Variants in TMEM135 observed in about 807,000 individuals in gnomAD.
The protein encoded by TMEM135 is peroxisomal membrane protein 52.
A neutral mutation model predicts 60.3 loss-of-function variants in TMEM135; 30 were observed. The ratio of observed to expected loss-of-function variants is 0.50; its 90% CI spans 0.37 to 0.68. TMEM135 has a LOEUF of 0.68. Among genes scored for constraint, TMEM135 ranks in the 30% least tolerant of loss-of-function variants. The probability of loss-of-function intolerance (pLI) is 0.00; values close to 1 mark genes in which losing one functional copy is unlikely to be tolerated. For missense variants in TMEM135, 468 were observed against 548.8 expected (o/e 0.85, Z 1.47); for synonymous variants, 190 against 186.7 (o/e 1.02, Z -0.14).
At chr11:87,207,545 A>C (rs1423103895) in intron 5 of TMEM135, among the ~76,000 whole-genome samples, 1 of 152,214 alleles carries the variant, frequency 6.6e-6, no homozygotes, top group East Asian at 1.9e-4. Flanking sequence ...GATAATAATC[A>C]TCACCATTTA....
At chr11:87,132,721 G>T (rs1404311334) in intron 4 of TMEM135, among the ~76,000 whole-genome samples, 1 of 152,086 alleles carries the variant, frequency 6.6e-6, no homozygotes, top group Non-Finnish European at 1.5e-5. Flanking sequence ...AAATAGGCTT[G>T]CAGTAGTCCC....
rs140387878 is a variant in TMEM135 at position 87,248,383 on chromosome 11, T to G, written c.509+11699T>G. On this transcript the variant is annotated intron_variant, in intron 6 of 14. Coordinates refer to ENST00000305494, the MANE Select transcript of TMEM135 (RefSeq NM_022918.4). ...CATTTGTTATTGCTTGTCTTTTGGATAAAAGCCATTTTAACTAGGGTGAGA... is the reference window on the plus strand; with the variant it reads ...CATTTGTTATTGCTTGTCTTTTGGAGAAAAGCCATTTTAACTAGGGTGAGA... Among the ~76,000 whole-genome samples the G allele has an allele frequency of 5.2e-3, 795 of 152,340 alleles. 8 individuals are homozygous for G. Among genetic ancestry groups the G allele is most frequent in the African/African-American group, 0.018 (753 of 41,576 alleles).
intron 4 of TMEM135, among the ~76,000 whole-genome samples, chr11:87,135,482 G>T (rs1938065592): frequency 7.7e-6 from 1 of 130,714 alleles, no homozygotes; most frequent in Non-Finnish European, 1.6e-5. Flanking sequence ...ACCATTTATT[G>T]AAGAGTTCAT....
In TMEM135 at chr11:87,298,526, C is replaced by T. The variant is rs569610273; in HGVS notation, c.551+2703C>T. Among the ~76,000 whole-genome samples the T allele has an allele frequency of 4.6e-5, 7 of 152,286 alleles. 1 individual carries two copies. In the South Asian group the frequency reaches 6.2e-4, roughly 14 times the overall value. On this transcript the variant is annotated intron_variant, in intron 7 of 14. Coordinates refer to ENST00000305494, the MANE Select transcript of TMEM135 (RefSeq NM_022918.4). ...CCTTCAGGCTGGGCATGGTAGCTAACGCCTCTAATCCCAGCACTTTGGGAG... is the reference window on the plus strand; with the variant it reads ...CCTTCAGGCTGGGCATGGTAGCTAATGCCTCTAATCCCAGCACTTTGGGAG...
intron 5 of TMEM135, among the ~76,000 whole-genome samples, chr11:87,176,439 A>C (rs2135296473): frequency 6.6e-6 from 1 of 152,126 alleles, no homozygotes; most frequent in South Asian, 2.1e-4. Flanking sequence ...AAAATAAATC[A>C]CCCAATCTCA....
At chr11:87,196,881 TA>T (rs1312193991) in intron 5 of TMEM135, among the ~76,000 whole-genome samples, 2 of 152,174 alleles carry the variant, frequency 1.3e-5, no homozygotes, top group South Asian at 2.1e-4. Flanking sequence ...AAATTGAATT[TA>T]AATTACTTTA....
At position 87,323,859 on chromosome 11, in the gene TMEM135, T is replaced by G. The variant is rs1049497049; in HGVS notation, c.*2526T>G. The stretch of plus-strand genomic sequence containing the variant: ...TTGAAGTAACACCTTTGGTTTAGTT[T>G]TATTTTCCCATAAATTCTGCTTTTG... On this transcript the variant is annotated 3_prime_UTR_variant, in exon 15 of 15. Transcript: ENST00000305494. 4.4e-6 allele frequency: 2 copies of G among 452,082 alleles called. No individual in the cohort carries two copies. The highest frequency in any genetic ancestry group is 8.8e-6 in the Non-Finnish European group (2 of 226,382). The allele number at this position is 452,082 out of a possible 1,614,324, so 28.0% of individuals were successfully genotyped here. A position where few individuals can be genotyped will look rare whatever the true frequency, so the allele number is the denominator to read the frequency against.
At chr11:87,243,468 A>G (rs1941188057) in intron 6 of TMEM135, among the ~76,000 whole-genome samples, 1 of 125,492 alleles carries the variant, frequency 8.0e-6, no homozygotes, top group South Asian at 2.8e-4. Context: ...CACGATATTG[A>G]TTCTTCCTAC....
intron 1 of TMEM135, among the ~76,000 whole-genome samples, chr11:87,062,606 A>G (rs1346791618): frequency 2.0e-5 from 3 of 151,572 alleles, no homozygotes; most frequent in Non-Finnish European, 4.4e-5. Context: ...CTGGGATTAC[A>G]GGCGCCTGCC....
At chr11:87,191,725 CAATT>C in intron 5 of TMEM135, among the ~76,000 whole-genome samples, 1 of 152,216 alleles carries the variant, frequency 6.6e-6, no homozygotes, top group South Asian at 2.1e-4. Flanking sequence ...ACAGTGTTGA[CAATT>C]GATATGTGTT....
intron 1 of TMEM135, among the ~76,000 whole-genome samples, chr11:87,062,298 C>G (rs1006657950): frequency 6.6e-6 from 1 of 151,316 alleles, no homozygotes; most frequent in Non-Finnish European, 1.5e-5. Context: ...TCCACTGCAT[C>G]TAGCCCCTTT....
At position 87,324,116 on chromosome 11, in the gene TMEM135, T is replaced by A; in HGVS notation, c.*2783T>A. 2.2e-6 allele frequency: 1 copy of A among 454,122 alleles called. No individual in the cohort carries two copies. Among genetic ancestry groups the A allele is most frequent in the Non-Finnish European group, 4.4e-6 (1 of 226,786 alleles). 28.1% of individuals were successfully genotyped at this position (454,122 alleles called of 1,614,324 possible). A position where few individuals can be genotyped will look rare whatever the true frequency, so the allele number is the denominator to read the frequency against. On this transcript the variant is annotated 3_prime_UTR_variant, in exon 15 of 15. Coordinates refer to ENST00000305494, the MANE Select transcript of TMEM135 (RefSeq NM_022918.4). ...TTTTCTTGTTGTGCTCGAGTGTTCGTCTCCTTGTAGATTGTATCTAGGCTA... is the reference window on the plus strand; with the variant it reads ...TTTTCTTGTTGTGCTCGAGTGTTCGACTCCTTGTAGATTGTATCTAGGCTA...
Position 87,325,040 on chromosome 11 carries a change from A to G in TMEM135, c.*3707A>G, listed in dbSNP as rs752713716. ...TTACAATTGCCTCCAGCCCTTTACT[A>G]TTGGTGCTGAAGCCACCATTGGTGC... On this transcript the variant is annotated 3_prime_UTR_variant, in exon 15 of 15. Coordinates refer to ENST00000305494, the MANE Select transcript of TMEM135 (RefSeq NM_022918.4). 11 of 453,840 alleles carry G rather than the reference A, an allele frequency of 2.4e-5. No homozygotes were observed. The highest frequency in any genetic ancestry group is 9.3e-5 in the South Asian group (6 of 64,458). 28.1% of individuals were successfully genotyped at this position (453,840 alleles called of 1,614,324 possible). A position where few individuals can be genotyped will look rare whatever the true frequency, so the allele number is the denominator to read the frequency against.
intron 1 of TMEM135, among the ~76,000 whole-genome samples, chr11:87,060,139 C>G (rs1949932516): frequency 6.6e-6 from 1 of 152,062 alleles, no homozygotes; most frequent in Non-Finnish European, 1.5e-5. Flanking sequence ...AAAAGTAAAT[C>G]TTATAGATCT....
chr11:87,284,443 C>T (rs1485656495), intron 6 of TMEM135, among the ~76,000 whole-genome samples: 3 of 152,166 alleles, frequency 2.0e-5, no homozygotes, highest in South Asian at 2.1e-4. Context: ...AAATCTGATT[C>T]TATTGGAGTT....
At chr11:87,236,387 A>G (rs1358860642) in intron 5 of TMEM135, among the ~76,000 whole-genome samples, 3 of 152,008 alleles carry the variant, frequency 2.0e-5, no homozygotes, top group African/African-American at 4.8e-5. Context: ...AAAAATCACA[A>G]TGTTTAAAGA....
At chr11:87,136,388 T>C (rs613715) in intron 4 of TMEM135, among the ~76,000 whole-genome samples, 52,799 of 151,896 alleles carry the variant, frequency 0.35, 9,592 homozygotes, top group East Asian at 0.62. Context: ...TATATATTGT[T>C]GGATTCAGTG....
chr11:87,306,447 A>G (rs2135444484), intron 9 of TMEM135, among the ~76,000 whole-genome samples: 1 of 152,184 alleles, frequency 6.6e-6, no homozygotes, highest in Non-Finnish European at 1.5e-5. Context: ...ATGGCATTTA[A>G]TTTTGGACTT....
chr11:87,174,910 C>G (rs866056225), intron 5 of TMEM135, among the ~76,000 whole-genome samples: 46 of 152,088 alleles, frequency 3.0e-4, no homozygotes, highest in African/African-American at 1.1e-3. Flanking sequence ...AATCCTATCT[C>G]TAATGTGGTG....
Sources: gnomAD v4.1 joint callset for allele counts (sites outside exome capture counted in the v4.1 genomes callset) on GRCh38, gnomAD v4.1.1 for gene constraint, MANE v1.5 for transcripts, NCBI Gene and HGNC (gene_info 2026-07-23, HGNC 2026-07-21) for gene names.